Variants in PRKCQ observed in about 807,000 individuals in gnomAD.
PRKCQ encodes the protein protein kinase C theta.
A neutral mutation model predicts 91.2 loss-of-function variants in PRKCQ; 41 were observed. That is an observed-to-expected ratio of 0.45 (90% CI 0.35 to 0.58). The LOEUF (loss-of-function observed/expected upper bound fraction) is 0.58, where lower values mean the gene tolerates loss of function less well. Among genes scored for constraint, PRKCQ ranks in the 20% least tolerant of loss-of-function variants. The pLI is 0.00. For synonymous variants in PRKCQ, 307 were observed against 316.9 expected (o/e 0.97, Z 0.33); for missense variants, 673 against 896.5 (o/e 0.75, Z 3.18).
At chr10:6,489,832 C>T (rs1307393507) in intron 8 of PRKCQ, among the ~76,000 whole-genome samples, 1 of 151,940 alleles carries the variant, frequency 6.6e-6, no homozygotes, top group Admixed American at 6.5e-5. Context: ...AGAAATGAAA[C>T]GAAGCAGGCA....
intron 1 of PRKCQ, among the ~76,000 whole-genome samples, chr10:6,534,274 A>G (rs1201013452): frequency 2.6e-5 from 4 of 152,054 alleles, no homozygotes; most frequent in Admixed American, 6.5e-5. Flanking sequence ...AATGCCAAAA[A>G]GCTCTAAAAA....
At chr10:6,536,926 C>T (rs1230096375) in intron 1 of PRKCQ, among the ~76,000 whole-genome samples, 1 of 152,198 alleles carries the variant, frequency 6.6e-6, no homozygotes, top group Non-Finnish European at 1.5e-5. Flanking sequence ...AGAAACAAAA[C>T]AATACCTACG....
intron 12 of PRKCQ, among the ~76,000 whole-genome samples, chr10:6,467,136 AC>A (rs1835696110): frequency 6.6e-6 from 1 of 152,054 alleles, no homozygotes; most frequent in Admixed American, 6.5e-5. Flanking sequence ...GAAAGACAAA[AC>A]CAAAACCAAT....
In PRKCQ at chr10:6,452,249, T is replaced by C. The variant is rs191324644; in HGVS notation, c.1647+4425A>G. The stretch of plus-strand genomic sequence containing the variant: ...AAAGTCTCAGCATACAAAATCAATG[T>C]ACAAAAATCACAAGCATTCTTAGAC... On this transcript the variant is annotated intron_variant, in intron 15 of 17. Coordinates refer to ENST00000263125, the MANE Select transcript of PRKCQ (RefSeq NM_006257.5). 5.0e-3 allele frequency among the ~76,000 whole-genome samples: 767 copies of C among 152,262 alleles called. 10 individuals are homozygous for C. The highest frequency in any genetic ancestry group is 0.017 in the African/African-American group (723 of 41,554).
At chr10:6,433,106 A>G (rs1833502610) in intron 16 of PRKCQ, among the ~76,000 whole-genome samples, 1 of 152,122 alleles carries the variant, frequency 6.6e-6, no homozygotes, top group Admixed American at 6.5e-5. Flanking sequence ...CACTCCAACC[A>G]ATGTTCTTTG....
chr10:6,478,742 C>T (rs1384295059), intron 12 of PRKCQ, among the ~76,000 whole-genome samples: 4 of 152,116 alleles, frequency 2.6e-5, no homozygotes, highest in African/African-American at 9.7e-5. Flanking sequence ...TAAATGAAAC[C>T]AAATTCTAAA....
chr10:6,419,582 C>T, the PRKCQ span, among the ~76,000 whole-genome samples: 17,305 of 151,668 alleles, frequency 0.11, 2,730 homozygotes, highest in African/African-American at 0.36. Flanking sequence ...CTTTGCATTT[C>T]TGGACAAAGT....
intron 4 of PRKCQ, among the ~76,000 whole-genome samples, chr10:6,505,641 C>CTTCCT (rs932652078): frequency 6.7e-6 from 1 of 149,876 alleles, no homozygotes; most frequent in African/African-American, 2.5e-5. Context: ...CCCTCCCTTC[C>CTTCCT]TTCCTTTCCT....
intron 1 of PRKCQ, among the ~76,000 whole-genome samples, chr10:6,543,343 G>C (rs7916401): frequency 0.018 from 2,696 of 152,274 alleles, 66 homozygotes; most frequent in African/African-American, 0.062. Flanking sequence ...TCAGCTGAGC[G>C]CAGTCTGGTC....
chr10:6,437,691 G>A (rs138599991), intron 16 of PRKCQ, among the ~76,000 whole-genome samples: 2,371 of 151,246 alleles, frequency 0.016, 48 homozygotes, highest in Middle Eastern at 0.045. Context: ...TTGCTCTGTC[G>A]CCCAGGCTGG....
At chr10:6,499,093 G>A (rs926778750) in intron 4 of PRKCQ, among the ~76,000 whole-genome samples, 1 of 152,200 alleles carries the variant, frequency 6.6e-6, no homozygotes, top group Non-Finnish European at 1.5e-5. Context: ...TTTGTGTGAG[G>A]AGAAAGGAAC....
intron 7 of PRKCQ, among the ~76,000 whole-genome samples, chr10:6,493,794 T>C (rs1837449192): frequency 6.6e-6 from 1 of 152,230 alleles, no homozygotes; most frequent in Admixed American, 6.5e-5. Context: ...TGATCAAACA[T>C]GAACAAACTA....
rs1382716960 is a variant in PRKCQ at position 6,464,305 on chromosome 10, C to G, written c.1445+8G>C. 1 of 1,610,638 alleles carries G rather than the reference C, an allele frequency of 6.2e-7. No individual in the cohort carries two copies. Among genetic ancestry groups the G allele is most frequent in the South Asian group, 1.1e-5 (1 of 90,634 alleles). The stretch of plus-strand genomic sequence containing the variant: ...TGGAAAACTCCCAAACCCTTTAAAG[C>G]CTCTTACGTCGCTCTGGAAAGGTCG... On this transcript the variant is annotated splice_region_variant and intron_variant, in intron 13 of 17. Transcript: ENST00000263125.
chr10:6,549,623 T>A (rs1294133106), intron 1 of PRKCQ, among the ~76,000 whole-genome samples: 2 of 132,568 alleles, frequency 1.5e-5, no homozygotes, highest in South Asian at 2.5e-4. Flanking sequence ...ATAAAATTCA[T>A]CTTTTTTTTT....
chr10:6,481,861 T>A (rs934356921), intron 11 of PRKCQ, among the ~76,000 whole-genome samples: 3 of 152,186 alleles, frequency 2.0e-5, no homozygotes, highest in African/African-American at 4.8e-5. Flanking sequence ...TGAGATACCC[T>A]TAATATCAAA....
downstream of PRKCQ, among the ~76,000 whole-genome samples, chr10:6,424,526 T>C (rs889745843): frequency 6.6e-6 from 1 of 152,156 alleles, no homozygotes; most frequent in Non-Finnish European, 1.5e-5. Flanking sequence ...AGGAGAAGTC[T>C]TCCTTGGTTT....
intron 15 of PRKCQ, among the ~76,000 whole-genome samples, chr10:6,449,888 G>C (rs1337260226): frequency 1.3e-5 from 2 of 152,164 alleles, no homozygotes; most frequent in African/African-American, 4.8e-5. Context: ...AATGCTGAGG[G>C]ATTTTGTCAC....
the PRKCQ span, among the ~76,000 whole-genome samples, chr10:6,410,471 T>TG: frequency 6.6e-6 from 1 of 152,034 alleles, no homozygotes; most frequent in East Asian, 1.9e-4. Context: ...GGGCAGAGGG[T>TG]GGGGCTTTAT....
chr10:6,549,396 T>G (rs1243017267), intron 1 of PRKCQ, among the ~76,000 whole-genome samples: 1 of 152,094 alleles, frequency 6.6e-6, no homozygotes, highest in African/African-American at 2.4e-5. Context: ...AAGCAAGAAG[T>G]CTGGGCAAGA....
Sources: gnomAD v4.1 joint callset for allele counts (sites outside exome capture counted in the v4.1 genomes callset) on GRCh38, gnomAD v4.1.1 for gene constraint, MANE v1.5 for transcripts, NCBI Gene and HGNC (gene_info 2026-07-23, HGNC 2026-07-21) for gene names.